EIF3E: variants seen among roughly 807,000 people sequenced by gnomAD.
EIF3E encodes eIF-3 p48.
Under a neutral mutation model 59.3 loss-of-function variants are expected in EIF3E, and 25 were observed. The ratio of observed to expected loss-of-function variants is 0.42; its 90% confidence interval spans 0.31 to 0.59. The LOEUF is 0.59. Ranked by LOEUF, EIF3E falls within the 20% of genes least tolerant of loss-of-function variation. The pLI is 0.15. For synonymous variants in EIF3E, 176 were observed against 170.2 expected (o/e 1.03, Z -0.26); for missense variants, 317 against 534.3 (o/e 0.59, Z 4.01).
chr8:108,212,013 G>C (rs1325192861), intron 10 of EIF3E, among the ~76,000 whole-genome samples: 1 of 152,106 alleles, frequency 6.6e-6, no homozygotes, highest in Non-Finnish European at 1.5e-5. Context: ...CTTACAGTGA[G>C]GTACAGTACA....
Position 108,248,694 on chromosome 8 carries a change from C to T in EIF3E, c.9G>A (p.Glu3=), listed in dbSNP as rs763918053. 4 of 1,614,178 alleles carry T rather than the reference C, an allele frequency of 2.5e-6. 1 individual carries two copies. The South Asian group carries it at 4.4e-5, about 18-fold the overall frequency. MA[E]YDLTTRIAHF... ...GCGCGATGCGAGTAGTCAAGTCGTA[C>T]TCCGCCATCTTGCCAAAGAAAAGGG... The change falls in exon 1 of 13, where the codon GAG becomes GAA. Residue 3 remains glutamate, a synonymous_variant. Transcript: ENST00000220849.
intron 9 of EIF3E, among the ~76,000 whole-genome samples, chr8:108,215,942 G>T (rs1463924335): frequency 6.6e-6 from 1 of 152,028 alleles, no homozygotes; most frequent in Non-Finnish European, 1.5e-5. Context: ...TGAATTGCCT[G>T]GTTTATCACA....
intron 10 of EIF3E, 66 bp downstream of exon 10, chr8:108,214,541 C>A (rs1815267686): frequency 1.6e-6 from 2 of 1,229,526 alleles, no homozygotes; most frequent in South Asian, 1.7e-5. Context: ...AGTGTAAATT[C>A]ACAATAAATG....
At chr8:108,247,625 G>C (rs185784356) in intron 1 of EIF3E, among the ~76,000 whole-genome samples, 1 of 151,868 alleles carries the variant, frequency 6.6e-6, no homozygotes, top group Admixed American at 6.6e-5. Context: ...GGACGTTTTT[G>C]TTTTATTGCT....
intron 1 of EIF3E, 116 bp from the exon 2 acceptor site, chr8:108,242,029 A>G: frequency 8.1e-7 from 1 of 1,229,342 alleles, no homozygotes; most frequent in Non-Finnish European, 1.1e-6. Context: ...AAAATACGAT[A>G]AACCATTAAC....
intron 5 of EIF3E, among the ~76,000 whole-genome samples, chr8:108,231,218 T>C (rs994428093): frequency 6.6e-6 from 1 of 152,154 alleles, no homozygotes; most frequent in Non-Finnish European, 1.5e-5. Flanking sequence ...TATCTGAATA[T>C]AAAAATATAT....
intron 3 of EIF3E, among the ~76,000 whole-genome samples, chr8:108,238,722 TG>T (rs1253540924): frequency 6.6e-6 from 1 of 152,218 alleles, no homozygotes; most frequent in Non-Finnish European, 1.5e-5. Context: ...TAAAAATATC[TG>T]GTAACACCTT....
intron 10 of EIF3E, among the ~76,000 whole-genome samples, chr8:108,206,407 C>T (rs770651966): frequency 3.9e-5 from 6 of 152,096 alleles, no homozygotes; most frequent in Non-Finnish European, 8.8e-5. Context: ...CAGTTCTAAT[C>T]TGGAGATTTG....
chr8:108,222,320 C>T (rs1038564908), intron 7 of EIF3E, among the ~76,000 whole-genome samples: 4 of 152,178 alleles, frequency 2.6e-5, no homozygotes, highest in Non-Finnish European at 5.9e-5. Flanking sequence ...GCTGGGATTA[C>T]AGGGAGGAGC....
chr8:108,240,873 G>A (rs927382058), intron 2 of EIF3E, among the ~76,000 whole-genome samples: 7 of 151,902 alleles, frequency 4.6e-5, no homozygotes, highest in African/African-American at 1.7e-4. Context: ...CCAGCTACTC[G>A]GGAGGCTGAG....
chr8:108,216,498 T>C lies in EIF3E; in HGVS notation c.865A>G (p.Lys289Glu). The C allele has an allele frequency of 6.2e-7, 1 of 1,605,958 alleles. No homozygotes were observed. The highest frequency in any genetic ancestry group is 8.5e-7 in the Non-Finnish European group (1 of 1,176,082). The change falls in exon 9 of 13, where the codon AAA (lysine) becomes GAA (glutamate). Residue 289 changes from lysine (K) to glutamate (E), a missense_variant. Coordinates refer to ENST00000220849, the MANE Select transcript of EIF3E (RefSeq NM_001568.3). ...TCAACAAATTCTGTAATTGGGTCTT[T>C]ATATGTGTAAGACTCCTGTAAAAAT... The part of the protein sequence containing the change: ...KVIQQESYTY[K>E]DPITEFVECL...
chr8:108,218,786 T>A (rs1815351455), intron 7 of EIF3E, among the ~76,000 whole-genome samples: 1 of 144,916 alleles, frequency 6.9e-6, no homozygotes. Context: ...TTATTTCTTT[T>A]TTTTTTTTTT....
chr8:108,210,125 C>A (rs1815179638), intron 10 of EIF3E, among the ~76,000 whole-genome samples: 1 of 151,642 alleles, frequency 6.6e-6, no homozygotes, highest in South Asian at 2.1e-4. Flanking sequence ...GGGTCTCCCT[C>A]CAGAGAATGT....
At chr8:108,239,200 GATGGTGTCTC>G (rs1330568854) in intron 3 of EIF3E, among the ~76,000 whole-genome samples, 3 of 152,060 alleles carry the variant, frequency 2.0e-5, no homozygotes, top group Non-Finnish European at 4.4e-5. Context: ...TTTTTCCTGA[GATGGTGTCTC>G]ATTATGTCAC....
chr8:108,237,697 T>C (rs956981230), intron 3 of EIF3E, among the ~76,000 whole-genome samples: 10 of 152,244 alleles, frequency 6.6e-5, no homozygotes, highest in African/African-American at 2.4e-4. Context: ...ATTACAATAC[T>C]GATTATGAAA....
At chr8:108,229,005 C>A in intron 6 of EIF3E, 65 bp downstream of exon 6, 1 of 1,409,936 alleles carries the variant, frequency 7.1e-7, no homozygotes, top group South Asian at 1.8e-5. Context: ...AGTGATTTTC[C>A]TCATCAGAAA....
At chr8:108,211,080 A>G (rs1563628051) in intron 10 of EIF3E, among the ~76,000 whole-genome samples, 1 of 152,362 alleles carries the variant, frequency 6.6e-6, no homozygotes, top group East Asian at 1.9e-4. Flanking sequence ...TCTTTATAGC[A>G]GCATGATTTA....
chr8:108,222,786 A>G (rs947720202), intron 7 of EIF3E, among the ~76,000 whole-genome samples: 2 of 150,730 alleles, frequency 1.3e-5, no homozygotes, highest in Non-Finnish European at 2.9e-5. Flanking sequence ...GCTGTGTAAT[A>G]GCAGGCTATA....
intron 7 of EIF3E, among the ~76,000 whole-genome samples, chr8:108,218,555 T>C (rs1392163455): frequency 6.6e-6 from 1 of 152,096 alleles, no homozygotes; most frequent in East Asian, 1.9e-4. Flanking sequence ...AAAAAGAATA[T>C]CCACTCAAGA....
Sources: gnomAD v4.1 joint callset for allele counts (sites outside exome capture counted in the v4.1 genomes callset) on GRCh38, gnomAD v4.1.1 for gene constraint, MANE v1.5 for transcripts, NCBI Gene and HGNC (gene_info 2026-07-23, HGNC 2026-07-21) for gene names.